PPP2R2B: variants seen among roughly 807,000 people sequenced by gnomAD.
The protein encoded by PPP2R2B is protein phosphatase 2 regulatory subunit Bbeta, also known as serine/threonine-protein phosphatase 2A 55 kDa regulatory subunit B beta isoform.
Under a neutral mutation model 46.0 loss-of-function variants are expected in PPP2R2B, and 5 were observed. The ratio of observed to expected loss-of-function variants is 0.11; its 90% CI spans 0.06 to 0.23. The LOEUF (loss-of-function observed/expected upper bound fraction) is 0.23. PPP2R2B is among the 10% of genes least tolerant of loss of function. The probability of loss-of-function intolerance (pLI) is 1.00; values close to 1 mark genes in which losing one functional copy is unlikely to be tolerated. For synonymous variants in PPP2R2B, 215 were observed against 206.7 expected, an observed-to-expected ratio of 1.04 and a Z score of -0.34; for missense variants, 367 against 575.0, an observed-to-expected ratio of 0.64 and a Z score of 3.70.
At chr5:146,953,429 G>A (rs1751719955) in intron 1 of PPP2R2B, among the ~76,000 whole-genome samples, 1 of 152,122 alleles carries the variant, frequency 6.6e-6, no homozygotes, top group Non-Finnish European at 1.5e-5. Flanking sequence ...AGAAGTCACT[G>A]AGTTGCCATA....
At chr5:147,071,747 T>G (rs1229306830) in intron 2 of PPP2R2B, among the ~76,000 whole-genome samples, 1 of 152,244 alleles carries the variant, frequency 6.6e-6, no homozygotes, top group African/African-American at 2.4e-5. Context: ...TATTGGTTTA[T>G]TTTCTTACAT....
At chr5:146,927,796 T>C (rs140987980) in intron 1 of PPP2R2B, among the ~76,000 whole-genome samples, 1,967 of 151,208 alleles carry the variant, frequency 0.013, 36 homozygotes, top group African/African-American at 0.046. Flanking sequence ...TGCAGTGGTG[T>C]GATCTCGGCT....
intron 2 of PPP2R2B, among the ~76,000 whole-genome samples, chr5:146,790,317 TAAC>T (rs1444284716): frequency 6.6e-6 from 1 of 152,192 alleles, no homozygotes; most frequent in Non-Finnish European, 1.5e-5. Context: ...TTGAAAATCA[TAAC>T]AACCACCCCA....
chr5:146,675,391 C>T (rs1777644463), intron 5 of PPP2R2B, among the ~76,000 whole-genome samples: 1 of 152,104 alleles, frequency 6.6e-6, no homozygotes, highest in South Asian at 2.1e-4. Context: ...TTTATGTTCC[C>T]CCTCACCCCG....
In PPP2R2B at chr5:146,706,851, T is replaced by C; in HGVS notation, c.71-5709A>G. 3.5e-6 allele frequency: 4 copies of C among 1,138,086 alleles called. No homozygotes were observed. In the South Asian group the frequency reaches 4.9e-5, roughly 14 times the overall value. The allele number at this position is 1,138,086 out of a possible 1,614,324, so 70.5% of individuals were successfully genotyped here. On this transcript the variant is annotated intron_variant, in intron 2 of 9. Transcript: ENST00000394411. ...TTGACCTCAGCGATGATGCTGTCCG[T>C]GTCCAGGGAGCGGCTGTTGTCAATG...
At chr5:146,646,254 T>A (rs541097519) in intron 6 of PPP2R2B, among the ~76,000 whole-genome samples, 1 of 152,266 alleles carries the variant, frequency 6.6e-6, no homozygotes, top group South Asian at 2.1e-4. Context: ...ATTTAATAGA[T>A]CCCATGTTGG....
chr5:146,636,661 A>T (rs1367467042), intron 7 of PPP2R2B, among the ~76,000 whole-genome samples: 1 of 152,190 alleles, frequency 6.6e-6, no homozygotes, highest in African/African-American at 2.4e-5. Flanking sequence ...AGGACTGGAT[A>T]CTATGGGAAC....
intron 2 of PPP2R2B, among the ~76,000 whole-genome samples, chr5:146,737,718 T>A (rs1335176477): frequency 1.3e-5 from 2 of 152,158 alleles, no homozygotes; most frequent in East Asian, 3.8e-4. Context: ...AATGGGAAAC[T>A]CCAGTCAGGT....
chr5:147,070,396 T>C (rs181421856), intron 2 of PPP2R2B, among the ~76,000 whole-genome samples: 1 of 152,344 alleles, frequency 6.6e-6, no homozygotes, highest in African/African-American at 2.4e-5. Flanking sequence ...TAATCCTTAC[T>C]TGAAACCTTG....
At chr5:146,960,434 C>A (rs999339351) in intron 1 of PPP2R2B, among the ~76,000 whole-genome samples, 1 of 152,106 alleles carries the variant, frequency 6.6e-6, no homozygotes, top group African/African-American at 2.4e-5. Context: ...GGGTTACAGG[C>A]GCAGGCCACC....
intron 1 of PPP2R2B, among the ~76,000 whole-genome samples, chr5:146,908,996 T>C (rs1310729918): frequency 6.6e-6 from 1 of 152,066 alleles, no homozygotes; most frequent in African/African-American, 2.4e-5. Flanking sequence ...TACTTTAAGA[T>C]CCTTCAGATC....
intron 2 of PPP2R2B, among the ~76,000 whole-genome samples, chr5:146,835,417 A>G (rs1341775866): frequency 2.0e-5 from 3 of 152,162 alleles, no homozygotes; most frequent in Non-Finnish European, 4.4e-5. Flanking sequence ...CCACTTCAGC[A>G]GGTCAGTTGA....
rs762618595 is a variant in PPP2R2B at position 146,590,145 on chromosome 5, C to T, written c.1134G>A (p.Ser378=). The change falls in exon 10 of 10, where the codon TCG becomes TCA. Residue 378 remains serine (S), a synonymous_variant. Coordinates refer to ENST00000394411, the MANE Select transcript of PPP2R2B (RefSeq NM_181675.4). ...TAGCCCGGGGCTTGCTGTTTTCCCT[C>T]GAAGCCTCAAGGGTCACATCACGCT... ...NTKRDVTLEA[S]RENSKPRAIL... 20 of 1,613,000 alleles carry T rather than the reference C, an allele frequency of 1.2e-5. No homozygotes were observed. Among genetic ancestry groups the T allele is most frequent in the South Asian group, 3.3e-5 (3 of 91,060 alleles).
intron 2 of PPP2R2B, among the ~76,000 whole-genome samples, chr5:146,807,831 C>CTTTTT (rs1554139359): frequency 8.1e-5 from 6 of 73,868 alleles, no homozygotes; most frequent in Non-Finnish European, 1.6e-4. Context: ...GACAGTTTTG[C>CTTTTT]TCTTGTTGCC....
intron 9 of PPP2R2B, 104 bp downstream of exon 9, chr5:146,592,867 G>A (rs751673352): frequency 9.0e-7 from 1 of 1,109,530 alleles, no homozygotes; most frequent in Non-Finnish European, 1.4e-6. Flanking sequence ...AGGTTTTGGG[G>A]CCCAATTTTG....
rs937480904 is a variant in PPP2R2B at position 146,761,918 on chromosome 5, G to A, written c.71-60776C>T. Among the ~76,000 whole-genome samples the A allele has an allele frequency of 6.6e-5, 10 of 152,250 alleles. No individual in the cohort carries two copies. The South Asian group carries it at 1.0e-3, about 16-fold the overall frequency. On this transcript the variant is annotated intron_variant, in intron 2 of 9. Coordinates refer to ENST00000394411, the MANE Select transcript of PPP2R2B (RefSeq NM_181675.4). ...TAGGATGTTTGTCAGATAGCAAACCGCATTGAGCTCTCTGCAGAGTGTATG... is the reference window on the plus strand; with the variant it reads ...TAGGATGTTTGTCAGATAGCAAACCACATTGAGCTCTCTGCAGAGTGTATG...
intron 2 of PPP2R2B, among the ~76,000 whole-genome samples, chr5:146,775,099 G>A (rs539597989): frequency 3.4e-4 from 51 of 152,086 alleles, no homozygotes; most frequent in Middle Eastern, 6.8e-3. Flanking sequence ...TCAAAAAAAC[G>A]AAAACAAAAA....
chr5:146,928,303 C>G (rs1393921794), intron 1 of PPP2R2B, among the ~76,000 whole-genome samples: 2 of 151,728 alleles, frequency 1.3e-5, no homozygotes, highest in Non-Finnish European at 2.9e-5. Flanking sequence ...AGATCTCTCC[C>G]CCAAACTCCA....
chr5:146,686,847 C>T (rs1273479550), intron 5 of PPP2R2B, among the ~76,000 whole-genome samples: 1 of 152,134 alleles, frequency 6.6e-6, no homozygotes, highest in Admixed American at 6.5e-5. Flanking sequence ...GTCACTTTAA[C>T]GATGAGCTCC....
Sources: allele counts gnomAD v4.1 joint callset (sites outside exome capture counted in the v4.1 genomes callset), GRCh38; gene constraint gnomAD v4.1.1; transcripts MANE v1.5; gene names NCBI Gene and HGNC (gene_info 2026-07-23, HGNC 2026-07-21).